SVOPL: variants seen among roughly 807,000 people sequenced by gnomAD.
The protein encoded by SVOPL is putative transporter SVOPL.
In SVOPL, 60 loss-of-function variants were observed where a neutral mutation model predicts 61.0. The ratio of observed to expected loss-of-function variants is 0.98; its 90% CI spans 0.80 to 1.22. SVOPL has a LOEUF of 1.22. Ranked by LOEUF, SVOPL falls within the 50% of genes most tolerant of loss-of-function variation. SVOPL has a pLI of 0.00. For synonymous variants in SVOPL, 279 were observed against 250.0 expected (o/e 1.12, Z -1.09); for missense variants, 662 against 643.9 (o/e 1.03, Z -0.30).
intron 7 of SVOPL, among the ~76,000 whole-genome samples, chr7:138,653,628 C>T (rs1017483192): frequency 3.3e-5 from 5 of 151,974 alleles, no homozygotes; most frequent in African/African-American, 1.2e-4. Flanking sequence ...ATGGCAAAAT[C>T]TCATCTCAAC....
chr7:138,604,677 C>CAAAAAAAAAAAAAAAAAAAAAAAAAAAA, intron 14 of SVOPL, among the ~76,000 whole-genome samples: 1 of 58,814 alleles, frequency 1.7e-5, no homozygotes, highest in Non-Finnish European at 2.9e-5. Context: ...AACTTTATCT[C>CAAAAAAAAAAAAAAAAAAAAAAAAAAAA]AAAAAAAAAA....
chr7:138,604,834 T>C (rs1351089140), intron 14 of SVOPL, among the ~76,000 whole-genome samples: 1 of 151,042 alleles, frequency 6.6e-6, no homozygotes, highest in Non-Finnish European at 1.5e-5. Flanking sequence ...TAGAAACAAA[T>C]GGGGTTGATA....
intron 7 of SVOPL, among the ~76,000 whole-genome samples, chr7:138,649,707 G>C (rs1584832907): frequency 6.6e-6 from 1 of 152,166 alleles, no homozygotes; most frequent in African/African-American, 2.4e-5. Context: ...AGTGGGACTT[G>C]AGTCATCAGG....
intron 4 of SVOPL, among the ~76,000 whole-genome samples, chr7:138,670,680 C>G (rs1448929758): frequency 6.6e-6 from 1 of 152,194 alleles, no homozygotes; most frequent in Admixed American, 6.5e-5. Flanking sequence ...AAATTCTGGC[C>G]TCTGGTTTAG....
chr7:138,643,143 T>TA (rs1388503291), intron 9 of SVOPL, among the ~76,000 whole-genome samples: 3 of 151,956 alleles, frequency 2.0e-5, no homozygotes, highest in African/African-American at 7.2e-5. Flanking sequence ...AAGTGAGGCC[T>TA]TGGCCAGGTG....
chr7:138,654,501 T>TTTG (rs1554469440), intron 7 of SVOPL, among the ~76,000 whole-genome samples: 2 of 6,374 alleles, frequency 3.1e-4, no homozygotes, highest in Admixed American at 5.0e-3. Context: ...ACTGAGTTTG[T>TTTG]TTTTTTTTTT....
At chr7:138,661,687 C>T (rs993665185) in intron 5 of SVOPL, 3 of 906,660 alleles carry the variant, frequency 3.3e-6, no homozygotes, top group Admixed American at 6.2e-5. Flanking sequence ...TTTTAACGAA[C>T]CAATGTAAAT....
At position 138,644,870 on chromosome 7, in the gene SVOPL, C is replaced by T. The variant is rs993448253; in HGVS notation, c.661-25G>A. 3.7e-6 allele frequency: 6 copies of T among 1,613,942 alleles called. No individual in the cohort carries two copies. In the Admixed American group the frequency reaches 6.7e-5, roughly 18 times the overall value. Reference sequence around the variant, plus strand: ...ACTGGGTAGAGATTACAAAGAACATCAGAGTGGCCACTGCTATAGAACCCA... The same window carrying T: ...ACTGGGTAGAGATTACAAAGAACATTAGAGTGGCCACTGCTATAGAACCCA... On this transcript the variant is annotated intron_variant, in intron 8 of 15. Transcript: ENST00000674285.
Position 138,679,199 on chromosome 7 carries a change from G to A in SVOPL, c.-34-120C>T, listed in dbSNP as rs922029901. 6 of 653,634 alleles carry A rather than the reference G, an allele frequency of 9.2e-6. No individual in the cohort carries two copies. In the African/African-American group the frequency reaches 9.3e-5, roughly 10 times the overall value. The allele number at this position is 653,634 out of a possible 1,614,324, so 40.5% of individuals were successfully genotyped here. ...CCCTCACAAAAATCGAATGAGGTAT[G>A]TATTTTTATCCTCTTTTCACACCGG... On this transcript the variant is annotated intron_variant, in intron 1 of 15. Transcript: ENST00000674285.
intron 1 of SVOPL, among the ~76,000 whole-genome samples, chr7:138,680,617 C>G (rs1802679988): frequency 1.3e-5 from 2 of 150,132 alleles, no homozygotes; most frequent in South Asian, 4.3e-4. Context: ...CTTGCTCTGT[C>G]GCCCAGGCTG....
intron 7 of SVOPL, among the ~76,000 whole-genome samples, chr7:138,649,545 C>T (rs890689542): frequency 4.6e-5 from 7 of 152,138 alleles, no homozygotes; most frequent in African/African-American, 1.4e-4. Flanking sequence ...GATCCACCCA[C>T]GTTAGCCTCC....
intron 1 of SVOPL, among the ~76,000 whole-genome samples, chr7:138,683,680 C>T (rs1436397209): frequency 6.6e-6 from 1 of 151,946 alleles, no homozygotes; most frequent in Non-Finnish European, 1.5e-5. Flanking sequence ...TTGTGAGATG[C>T]TTATGTAACT....
chr7:138,685,955 T>G (rs1191668560), intron 1 of SVOPL, among the ~76,000 whole-genome samples: 1 of 152,128 alleles, frequency 6.6e-6, no homozygotes, highest in Admixed American at 6.6e-5. Context: ...ATGGTGGTGA[T>G]GGTTTCACAG....
intron 14 of SVOPL, among the ~76,000 whole-genome samples, chr7:138,620,792 A>G (rs1165001539): frequency 6.6e-6 from 1 of 152,168 alleles, no homozygotes; most frequent in Non-Finnish European, 1.5e-5. Context: ...ATCTTCCCCC[A>G]GTAATACCCA....
chr7:138,620,266 G>C (rs986017998), intron 14 of SVOPL, among the ~76,000 whole-genome samples: 13 of 150,398 alleles, frequency 8.6e-5, no homozygotes, highest in African/African-American at 3.2e-4. Flanking sequence ...GACTACAGGA[G>C]AGCACCACCA....
chr7:138,610,558 C>T (rs976109990), intron 14 of SVOPL, among the ~76,000 whole-genome samples: 3 of 152,100 alleles, frequency 2.0e-5, no homozygotes, highest in African/African-American at 7.2e-5. Context: ...CAAAATTGCC[C>T]TTGGGAAAAC....
chr7:138,633,799 A>G (rs558124465), intron 9 of SVOPL, among the ~76,000 whole-genome samples: 20 of 152,340 alleles, frequency 1.3e-4, no homozygotes, highest in African/African-American at 4.6e-4. Context: ...TATGGAGTAC[A>G]TGCCACCTCA....
At chr7:138,637,180 C>T (rs1428101779) in intron 9 of SVOPL, among the ~76,000 whole-genome samples, 3 of 152,010 alleles carry the variant, frequency 2.0e-5, no homozygotes, top group African/African-American at 7.2e-5. Flanking sequence ...GTAATCTCAG[C>T]ACTTTGGGAA....
At chr7:138,629,101 G>C (rs1214610574) in intron 10 of SVOPL, among the ~76,000 whole-genome samples, 1 of 147,078 alleles carries the variant, frequency 6.8e-6, no homozygotes, top group Non-Finnish European at 1.5e-5. Context: ...AAAATGATAT[G>C]TCTAATATAT....
Sources: allele counts gnomAD v4.1 joint callset (sites outside exome capture counted in the v4.1 genomes callset), GRCh38; gene constraint gnomAD v4.1.1; transcripts MANE v1.5; gene names NCBI Gene and HGNC (gene_info 2026-07-23, HGNC 2026-07-21).